The following LIPN variants were observed in gnomAD, a reference collection of about 807,000 sequenced individuals.
LIPN encodes lipase member N.
A neutral mutation model predicts 43.7 loss-of-function variants in LIPN; 32 were observed. That is an observed-to-expected ratio of 0.73 (90% CI 0.55 to 0.98). The LOEUF is 0.98. Ranked by LOEUF, LIPN falls within the 50% of genes least tolerant of loss-of-function variation. The probability of loss-of-function intolerance (pLI) is 0.00; values close to 1 mark genes in which losing one functional copy is unlikely to be tolerated. For missense variants in LIPN, 505 were observed against 483.8 expected, an observed-to-expected ratio of 1.04 and a Z score of -0.41; for synonymous variants, 156 against 157.6, an observed-to-expected ratio of 0.99 and a Z score of 0.08.
rs377328991 is a variant in LIPN, at chr10:88,764,415, C to T, written c.232C>T (p.Arg78Trp). The change falls in exon 4 of 10, where the codon CGG (arginine) becomes TGG (tryptophan). Residue 78 changes from arginine to tryptophan, a missense_variant. Arg to Trp is a moderately radical substitution (Grantham distance 101, BLOSUM62 -3). Transcript: ENST00000404459. ...GRTHARSTGP[R>W]PVVYMQHALF... ...CTTACCCTTTCCCCCACCAGGTCCC[C>T]GGCCAGTTGTGTATATGCAGCATGC... 7.0e-5 allele frequency: 112 copies of T among 1,607,816 alleles called. No homozygotes were observed. The highest frequency in any genetic ancestry group is 1.7e-4 in the Admixed American group (10 of 59,358).
chr10:88,764,855 G>A (rs1843066644), intron 4 of LIPN, among the ~76,000 whole-genome samples: 1 of 151,952 alleles, frequency 6.6e-6, no homozygotes. Flanking sequence ...TTAAAAGTAT[G>A]TCCAAAGAGA....
At position 88,768,906 on chromosome 10, in the gene LIPN, T is replaced by G; in HGVS notation, c.650T>G (p.Leu217Arg). 6.2e-7 allele frequency: 1 copy of G among 1,611,428 alleles called. No homozygotes were observed. Among genetic ancestry groups the G allele is most frequent in the Non-Finnish European group, 8.5e-7 (1 of 1,178,298 alleles). The change falls in exon 6 of 10, where the codon CTA becomes CGA. Residue 217 changes from leucine (L) to arginine (R), a missense_variant. Physicochemically the swap from Leu to Arg is moderately radical, Grantham distance 102. Coordinates refer to ENST00000404459, the MANE Select transcript of LIPN (RefSeq NM_001102469.2). ...ACGGGCATTTTTACCAGGTTTTTTC[T>G]ACTTCCAAATTCCATAATCAAGGTA... is the stretch of plus-strand genomic sequence containing the variant. ...YPTGIFTRFF[L>R]LPNSIIKAVF...
chr10:88,778,187 A>T lies in LIPN; in HGVS notation c.1142A>T (p.Asp381Val). The change falls in exon 10 of 10, where the codon GAT becomes GTT. Residue 381 changes from aspartate (D) to valine (V), a missense_variant. Physicochemically the swap from Asp to Val is radical, Grantham distance 152 (BLOSUM62 -3). Transcript: ENST00000404459. ...CACTTTGATTTTGTCTGGGGCCTCG[A>T]TGCCCCTCAACGGATGTACAGTGAA... ...WNHFDFVWGLDAPQRMYSEII... is the reference protein window; with the variant it reads ...WNHFDFVWGLVAPQRMYSEII... 1 of 1,613,200 alleles carries T rather than the reference A, an allele frequency of 6.2e-7. No homozygotes were observed. The highest frequency in any genetic ancestry group is 1.1e-5 in the South Asian group (1 of 91,046).
At chr10:88,760,958 G>A (rs1306947180) in intron 1 of LIPN, among the ~76,000 whole-genome samples, 2 of 152,100 alleles carry the variant, frequency 1.3e-5, no homozygotes, top group Non-Finnish European at 2.9e-5. Context: ...ATAAGCTTTT[G>A]TGTTTGGTTA....
At chr10:88,774,870 A>C (rs552206059) in intron 8 of LIPN, among the ~76,000 whole-genome samples, 1 of 151,996 alleles carries the variant, frequency 6.6e-6, no homozygotes. Context: ...CTTCTTTCTA[A>C]TGAGGCTTGG....
intron 2 of LIPN, 101 bp from the exon 3 acceptor site, chr10:88,762,087 C>G: frequency 1.9e-6 from 1 of 522,696 alleles, no homozygotes; most frequent in Non-Finnish European, 3.4e-6. Flanking sequence ...CTACAAATTT[C>G]AGATAATTCA....
intron 7 of LIPN, 40 bp from the exon 8 acceptor site, chr10:88,774,433 T>A: frequency 6.9e-7 from 1 of 1,449,796 alleles, no homozygotes. Context: ...GGCAAAATTT[T>A]GTTGGGCAAT....
chr10:88,761,098 T>C (rs1335211803), intron 1 of LIPN, among the ~76,000 whole-genome samples: 2 of 152,142 alleles, frequency 1.3e-5, no homozygotes, highest in African/African-American at 4.8e-5. Flanking sequence ...TGTCAAATTG[T>C]AGGCAAACAA....
intron 4 of LIPN, among the ~76,000 whole-genome samples, chr10:88,765,841 A>T (rs1843086754): frequency 6.6e-6 from 1 of 151,908 alleles, no homozygotes; most frequent in Non-Finnish European, 1.5e-5. Context: ...GTAATTTCTC[A>T]AGAGTTGCAA....
At chr10:88,759,918 G>A (rs1021067769), upstream of LIPN, among the ~76,000 whole-genome samples, 1 of 151,944 alleles carries the variant, frequency 6.6e-6, no homozygotes, top group Non-Finnish European at 1.5e-5. Flanking sequence ...GGTGTGTCAG[G>A]GACACGCCTT....
chr10:88,771,619 T>G (rs562914454), intron 7 of LIPN, among the ~76,000 whole-genome samples: 1 of 152,012 alleles, frequency 6.6e-6, no homozygotes, highest in South Asian at 2.1e-4. Flanking sequence ...GCTGTCTATA[T>G]GTACCACATT....
At chr10:88,760,844 A>G (rs2065933987) in intron 1 of LIPN, among the ~76,000 whole-genome samples, 1 of 152,160 alleles carries the variant, frequency 6.6e-6, no homozygotes, top group Admixed American at 6.6e-5. Context: ...CTTTGAATAG[A>G]CATACTTTTA....
Position 88,766,357 on chromosome 10 carries a change from C to T in LIPN, c.514C>T (p.His172Tyr), listed in dbSNP as rs773300646. The T allele has an allele frequency of 6.1e-5, 98 of 1,601,480 alleles. 2 individuals are homozygous for T. In the South Asian group the frequency reaches 1.1e-3, roughly 17 times the overall value. The change falls in exon 5 of 10, where the codon CAT becomes TAT. Residue 172 changes from histidine (H) to tyrosine (Y), a missense_variant. Physicochemically the swap from His to Tyr is moderately conservative, Grantham distance 83 (BLOSUM62 2). Coordinates refer to ENST00000404459, the MANE Select transcript of LIPN (RefSeq NM_001102469.2). ...TCAGGAGAAATTGTATTTCATTGGACATTCACTTGGCACTACAATAGGTAT... is the reference window on the plus strand; with the variant it reads ...TCAGGAGAAATTGTATTTCATTGGATATTCACTTGGCACTACAATAGGTAT... ...TGQEKLYFIGHSLGTTIGFVA... is the reference protein window; with the variant it reads ...TGQEKLYFIGYSLGTTIGFVA...
chr10:88,765,395 G>A (rs1843077255), intron 4 of LIPN, among the ~76,000 whole-genome samples: 1 of 151,892 alleles, frequency 6.6e-6, no homozygotes, highest in South Asian at 2.1e-4. Flanking sequence ...GAATAGTGGA[G>A]GAATAGAATA....
intron 9 of LIPN, among the ~76,000 whole-genome samples, 163 bp downstream of exon 9, chr10:88,775,326 TA>T (rs1307946242): frequency 2.0e-5 from 3 of 151,856 alleles, no homozygotes; most frequent in East Asian, 3.9e-4. Flanking sequence ...TCAGAAAATT[TA>T]TAAATTAAAG....
At position 88,762,284 on chromosome 10, in the gene LIPN, C is replaced by A. The variant is rs747108736; in HGVS notation, c.205C>A (p.Arg69=). 17 of 1,604,382 alleles carry A rather than the reference C, an allele frequency of 1.1e-5. No homozygotes were observed. In the East Asian group the frequency reaches 3.8e-4, roughly 36 times the overall value. The change falls in exon 3 of 10, where the codon CGA becomes AGA. Residue 69 remains arginine (R), a synonymous_variant. Coordinates refer to ENST00000404459, the MANE Select transcript of LIPN (RefSeq NM_001102469.2). ...CCTTGTCAACAGAATTCCTTATGGG[C>A]GAACACATGCTAGGAGCACAGGTAC... ...ILLVNRIPYG[R]THARSTGPRP... is the part of the protein sequence containing the mutation.
intron 3 of LIPN, 74 bp downstream of exon 3, chr10:88,762,379 A>T (rs1400988455): frequency 2.3e-6 from 2 of 852,630 alleles, no homozygotes; most frequent in Admixed American, 2.0e-5. Context: ...AATGCTAGAT[A>T]TGCATCAACA....
At chr10:88,771,958 G>A (rs1187838609) in intron 7 of LIPN, among the ~76,000 whole-genome samples, 1 of 151,794 alleles carries the variant, frequency 6.6e-6, no homozygotes, top group Non-Finnish European at 1.5e-5. Flanking sequence ...TTTAACTGGA[G>A]TGAGATAGTA....
chr10:88,770,278 T>C (rs985086244), intron 6 of LIPN, among the ~76,000 whole-genome samples: 4 of 151,844 alleles, frequency 2.6e-5, no homozygotes, highest in Admixed American at 6.6e-5. Context: ...GGCTCACTGT[T>C]CTCTACTTTT....
Sources: allele counts gnomAD v4.1 joint callset (sites outside exome capture counted in the v4.1 genomes callset), GRCh38; gene constraint gnomAD v4.1.1; transcripts MANE v1.5; gene names NCBI Gene and HGNC (gene_info 2026-07-23, HGNC 2026-07-21).